Variants in IPO11 observed in about 807,000 individuals in gnomAD.
The protein encoded by IPO11 is importin-11.
Under a neutral mutation model 143.2 loss-of-function variants are expected in IPO11, and 66 were observed. The observed-to-expected ratio is 0.46, with a 90% CI of 0.38 to 0.57. The LOEUF (loss-of-function observed/expected upper bound fraction) is 0.57, where lower values mean the gene tolerates loss of function less well. IPO11 is among the 20% of genes least tolerant of loss of function. The pLI, the probability that IPO11 is intolerant of heterozygous loss-of-function variation, is 0.00. For synonymous variants in IPO11, 385 were observed against 377.8 expected (o/e 1.02, Z -0.22); for missense variants, 1,026 against 1,141.0 (o/e 0.90, Z 1.45).
chr5:62,537,419 T>A (rs1315183835), intron 24 of IPO11, 130 bp downstream of exon 24: 4 of 614,738 alleles, frequency 6.5e-6, no homozygotes, highest in African/African-American at 1.9e-5. Flanking sequence ...ATTTTGGCAG[T>A]TTTCAGTTGG....
At chr5:62,618,854 A>C (rs1746241057) in intron 29 of IPO11, among the ~76,000 whole-genome samples, 1 of 151,836 alleles carries the variant, frequency 6.6e-6, no homozygotes, top group Non-Finnish European at 1.5e-5. Flanking sequence ...CTCTCCTCAA[A>C]TGTTTCTTGC....
intron 9 of IPO11, among the ~76,000 whole-genome samples, chr5:62,478,384 C>T (rs1256474023): frequency 6.6e-6 from 1 of 152,108 alleles, no homozygotes; most frequent in African/African-American, 2.4e-5. Flanking sequence ...CCAGGCTGGT[C>T]TCGAACTTCT....
intron 24 of IPO11, among the ~76,000 whole-genome samples, chr5:62,542,583 C>A (rs1742998183): frequency 3.3e-5 from 5 of 151,978 alleles, no homozygotes; most frequent in Admixed American, 3.3e-4. Flanking sequence ...TAATTTTTGA[C>A]AGTGTCTGCA....
chr5:62,622,565 G>A (rs1746414943), intron 29 of IPO11, among the ~76,000 whole-genome samples: 1 of 152,128 alleles, frequency 6.6e-6, no homozygotes, highest in Non-Finnish European at 1.5e-5. Flanking sequence ...GAAGAAATAA[G>A]CAGATGTTCT....
intron 7 of IPO11, among the ~76,000 whole-genome samples, chr5:62,473,692 C>T (rs1028748964): frequency 6.6e-6 from 1 of 152,118 alleles, no homozygotes; most frequent in Non-Finnish European, 1.5e-5. Context: ...GATGTTTATA[C>T]ACCAACATTT....
chr5:62,419,128 G>A, intron 1 of IPO11: 3 of 1,548,590 alleles, frequency 1.9e-6, no homozygotes, highest in Non-Finnish European at 2.6e-6. Flanking sequence ...TCACAAAATG[G>A]TAAGTATTTG....
chr5:62,557,423 T>C (rs1301703337), intron 26 of IPO11, among the ~76,000 whole-genome samples: 1 of 152,186 alleles, frequency 6.6e-6, no homozygotes, highest in Admixed American at 6.5e-5. Context: ...CTTCAGGTGA[T>C]CCACCCGCCT....
chr5:62,414,900 TG>T (rs1427885109), intron 1 of IPO11, among the ~76,000 whole-genome samples: 12 of 152,244 alleles, frequency 7.9e-5, no homozygotes, highest in Non-Finnish European at 1.6e-4. Flanking sequence ...TCCAGTCTGA[TG>T]AAACTGAGGC....
At chr5:62,422,020 A>G (rs1743532152) in intron 1 of IPO11, among the ~76,000 whole-genome samples, 1 of 152,124 alleles carries the variant, frequency 6.6e-6, no homozygotes, top group South Asian at 2.1e-4. Context: ...TATAAATTAT[A>G]GTCTGTTAAA....
intron 7 of IPO11, among the ~76,000 whole-genome samples, 156 bp downstream of exon 7, chr5:62,470,464 T>C (rs1177270538): frequency 6.6e-6 from 1 of 152,186 alleles, no homozygotes; most frequent in African/African-American, 2.4e-5. Context: ...TCTGGTCTGT[T>C]TTCACTACAT....
At chr5:62,429,764 T>C (rs988412915) in intron 1 of IPO11, among the ~76,000 whole-genome samples, 3 of 151,808 alleles carry the variant, frequency 2.0e-5, no homozygotes, top group Non-Finnish European at 4.4e-5. Flanking sequence ...GCTGGGACTA[T>C]AGGCATGTGC....
intron 27 of IPO11, among the ~76,000 whole-genome samples, chr5:62,572,536 T>C (rs910511954): frequency 1.1e-5 from 1 of 87,834 alleles, no homozygotes; most frequent in African/African-American, 4.2e-5. Context: ...TGTATATGTA[T>C]ATTTGTTTGT....
chr5:62,436,476 A>G (rs1281221243), intron 1 of IPO11, among the ~76,000 whole-genome samples: 1 of 152,164 alleles, frequency 6.6e-6, no homozygotes, highest in African/African-American at 2.4e-5. Flanking sequence ...TAATCCTTAT[A>G]TTTTGTACGT....
chr5:62,615,183 A>G (rs2112471743), intron 29 of IPO11, among the ~76,000 whole-genome samples: 1 of 152,268 alleles, frequency 6.6e-6, no homozygotes, highest in South Asian at 2.1e-4. Context: ...TAGGGCCTCG[A>G]GTTTCCAGGC....
At position 62,453,661 on chromosome 5, in the gene IPO11, G is replaced by A. The variant is rs181312480; in HGVS notation, c.516+1728G>A. On this transcript the variant is annotated intron_variant, in intron 5 of 29. Transcript: ENST00000325324. ...GCTGTCTTCCATGTCAAAAACATTCGTTTTCAATCTGTTATACACAGACTG... is the reference window on the plus strand; with the variant it reads ...GCTGTCTTCCATGTCAAAAACATTCATTTTCAATCTGTTATACACAGACTG... 1.3e-3 allele frequency among the ~76,000 whole-genome samples: 201 copies of A among 152,122 alleles called. 1 individual carries two copies. The highest frequency in any genetic ancestry group is 4.3e-3 in the African/African-American group (177 of 41,522).
In IPO11 at chr5:62,538,210, CAA is replaced by C. The variant is rs533530918; in HGVS notation, c.2250+923_2250+924del. On this transcript the variant is annotated intron_variant, in intron 24 of 29. Transcript: ENST00000325324. ...TCCCAGTGAAATGAAAGAGGTTACC[CAA>C]AGAGGTTTGCTTACAGAAGTGCACT... Among the ~76,000 whole-genome samples the C allele has an allele frequency of 1.6e-3, 247 of 152,166 alleles. 1 individual carries two copies. Among genetic ancestry groups the C allele is most frequent in the Non-Finnish European group, 2.5e-3 (168 of 67,988 alleles).
intron 27 of IPO11, chr5:62,579,345 AAAAAT>A: frequency 8.8e-7 from 1 of 1,140,018 alleles, no homozygotes; most frequent in South Asian, 1.3e-5. Flanking sequence ...GTATTATAAA[AAAAAT>A]TCATTTGATG....
chr5:62,501,075 CTG>C (rs1396976179), intron 16 of IPO11, among the ~76,000 whole-genome samples: 4 of 152,198 alleles, frequency 2.6e-5, no homozygotes, highest in Admixed American at 6.5e-5. Flanking sequence ...ATGGAGAAGA[CTG>C]TAGCATAGCC....
chr5:62,469,839 G>A (rs1181543230), intron 6 of IPO11, among the ~76,000 whole-genome samples: 3 of 152,026 alleles, frequency 2.0e-5, no homozygotes, highest in Non-Finnish European at 4.4e-5. Flanking sequence ...TTTTTATATC[G>A]TTTTTAGGAG....
Sources: allele counts gnomAD v4.1 joint callset (sites outside exome capture counted in the v4.1 genomes callset), GRCh38; gene constraint gnomAD v4.1.1; transcripts MANE v1.5; gene names NCBI Gene and HGNC (gene_info 2026-07-23, HGNC 2026-07-21).